CMTM4: variants seen among roughly 807,000 people sequenced by gnomAD.
The protein encoded by CMTM4 is CKLF like MARVEL transmembrane domain containing 4.
A neutral mutation model predicts 19.0 loss-of-function variants in CMTM4; 8 were observed. That is an observed-to-expected ratio of 0.42 (90% CI 0.25 to 0.76). The LOEUF (loss-of-function observed/expected upper bound fraction) is 0.76, where lower values mean the gene tolerates loss of function less well. CMTM4 is among the 30% of genes least tolerant of loss of function. CMTM4 has a pLI of 0.27. For synonymous variants in CMTM4, 106 were observed against 121.1 expected, an observed-to-expected ratio of 0.88 and a Z score of 0.82; for missense variants, 228 against 290.2, an observed-to-expected ratio of 0.79 and a Z score of 1.56.
chr16:66,617,434 A>C lies in CMTM4; in HGVS notation c.*4624T>G, dbSNP rs916922221. On this transcript the variant is annotated 3_prime_UTR_variant, in exon 4 of 4. Coordinates refer to ENST00000394106, the MANE Select transcript of CMTM4 (RefSeq NM_181521.3). ...AAAAGAATATATTCCAGACAAAAGA[A>C]GGGAAAATACAATAGGACCCACTCC... 3.9e-6 allele frequency: 6 copies of C among 1,549,702 alleles called. No individual in the cohort carries two copies. In the Admixed American group the frequency reaches 7.8e-5, roughly 20 times the overall value.
At chr16:66,659,107 T>C (rs1412805804) in intron 1 of CMTM4, among the ~76,000 whole-genome samples, 1 of 152,028 alleles carries the variant, frequency 6.6e-6, no homozygotes, top group African/African-American at 2.4e-5. Flanking sequence ...AGGCTGGGCG[T>C]GGTGGCTCAC....
chr16:66,606,657 G>A, the CMTM4 span, among the ~76,000 whole-genome samples: 1 of 152,138 alleles, frequency 6.6e-6, no homozygotes, highest in African/African-American at 2.4e-5. Flanking sequence ...AGAAACCAGG[G>A]ACAGATGGCC....
At chr16:66,684,298 C>T (rs1160275685) in intron 1 of CMTM4, among the ~76,000 whole-genome samples, 2 of 152,058 alleles carry the variant, frequency 1.3e-5, no homozygotes, top group East Asian at 1.9e-4. Flanking sequence ...CTCATCCTCC[C>T]GAGTAGCTGG....
the CMTM4 span, among the ~76,000 whole-genome samples, chr16:66,600,098 T>C: frequency 2.0e-5 from 3 of 151,492 alleles, no homozygotes; most frequent in African/African-American, 7.3e-5. Flanking sequence ...GAGTTGCAGT[T>C]CACAGCCATC....
chr16:66,656,228 T>G (rs1442538661), intron 1 of CMTM4, among the ~76,000 whole-genome samples: 1 of 152,192 alleles, frequency 6.6e-6, no homozygotes, highest in East Asian at 1.9e-4. Context: ...TTTCCTACAG[T>G]TGAAAATCCA....
chr16:66,618,966 G>A lies in CMTM4; in HGVS notation c.*3092C>T, dbSNP rs1004590554. On this transcript the variant is annotated 3_prime_UTR_variant, in exon 4 of 4. Transcript: ENST00000394106. ...TTCAGCTCACATTGCCAAGGAAGAT[G>A]TGTATTGGGGCTGTGCAGGCTGCCA... The A allele has an allele frequency of 1.0e-6, 1 of 985,520 alleles. No homozygotes were observed. The highest frequency in any genetic ancestry group is 1.2e-6 in the Non-Finnish European group (1 of 829,968). 61.0% of individuals were successfully genotyped at this position (985,520 alleles called of 1,614,324 possible).
chr16:66,648,766 G>A (rs2016253851), intron 1 of CMTM4, among the ~76,000 whole-genome samples: 1 of 152,034 alleles, frequency 6.6e-6, no homozygotes, highest in Admixed American at 6.6e-5. Context: ...GAGGTCAGGA[G>A]TTCAAGACCA....
chr16:66,685,005 C>T (rs1449454074), intron 1 of CMTM4, among the ~76,000 whole-genome samples: 1 of 152,212 alleles, frequency 6.6e-6, no homozygotes, highest in Non-Finnish European at 1.5e-5. Flanking sequence ...TACACACAGC[C>T]TGTTCTCCAG....
At chr16:66,658,183 T>C (rs1182581252) in intron 1 of CMTM4, among the ~76,000 whole-genome samples, 4 of 149,470 alleles carry the variant, frequency 2.7e-5, no homozygotes, top group Non-Finnish European at 4.4e-5. Context: ...TGAGCTATGA[T>C]TGAGAGAAAG....
chr16:66,679,748 T>C (rs1200485419), intron 1 of CMTM4, among the ~76,000 whole-genome samples: 1 of 148,162 alleles, frequency 6.7e-6, no homozygotes, highest in Non-Finnish European at 1.5e-5. Flanking sequence ...CGCTTGAACC[T>C]GGGAGGTGGA....
At chr16:66,635,292 C>T (rs2015969272) in intron 2 of CMTM4, among the ~76,000 whole-genome samples, 1 of 152,220 alleles carries the variant, frequency 6.6e-6, no homozygotes, top group South Asian at 2.1e-4. Flanking sequence ...TTTTTCTCAG[C>T]TTCCAGTGCT....
chr16:66,646,566 T>C (rs2016204862), intron 1 of CMTM4, among the ~76,000 whole-genome samples: 1 of 152,184 alleles, frequency 6.6e-6, no homozygotes, highest in African/African-American at 2.4e-5. Context: ...CCAAAATTTC[T>C]ACAAAGAGTA....
chr16:66,612,439 C>G (rs1331916488), downstream of CMTM4, among the ~76,000 whole-genome samples: 1 of 152,126 alleles, frequency 6.6e-6, no homozygotes. The surrounding 1 kb of genome is among the most constrained non-coding windows in gnomAD (Gnocchi z 6.0). Context: ...TGGAGGGCCT[C>G]AGGCCCGCGG....
At chr16:66,623,809 A>G (rs1419280402) in intron 2 of CMTM4, among the ~76,000 whole-genome samples, 1 of 152,154 alleles carries the variant, frequency 6.6e-6, no homozygotes, top group African/African-American at 2.4e-5. Context: ...TCTTTTAAAA[A>G]CCACACTCAA....
At chr16:66,662,061 G>A (rs1226202495) in intron 1 of CMTM4, among the ~76,000 whole-genome samples, 2 of 152,054 alleles carry the variant, frequency 1.3e-5, no homozygotes, top group African/African-American at 4.8e-5. Flanking sequence ...TGCAAGCCAG[G>A]AGCCTATTTG....
intron 1 of CMTM4, among the ~76,000 whole-genome samples, chr16:66,639,290 C>T (rs2016057030): frequency 6.6e-6 from 1 of 152,126 alleles, no homozygotes; most frequent in Non-Finnish European, 1.5e-5. Context: ...TGATGAGTTA[C>T]AAATGTTTCT....
At chr16:66,686,058 T>C (rs1167856457) in intron 1 of CMTM4, among the ~76,000 whole-genome samples, 1 of 151,626 alleles carries the variant, frequency 6.6e-6, no homozygotes, top group Admixed American at 6.6e-5. Context: ...ATCAAGACCA[T>C]CCCGGCCAAC....
At chr16:66,642,189 T>C (rs969026241) in intron 1 of CMTM4, among the ~76,000 whole-genome samples, 2 of 152,162 alleles carry the variant, frequency 1.3e-5, no homozygotes, top group Non-Finnish European at 2.9e-5. Flanking sequence ...TCAGATAAAG[T>C]GATACTAGAA....
rs569366879 is a variant in CMTM4, at chr16:66,650,325, C to T, written c.187-13744G>A. ...AAAGTTTTCTGGCCAAAGAACCGAA[C>T]ACCTGTTAATAGCCTTCTCCTAAAC... On this transcript the variant is annotated intron_variant, in intron 1 of 3. Coordinates refer to ENST00000394106, the MANE Select transcript of CMTM4 (RefSeq NM_181521.3). 3.2e-4 allele frequency among the ~76,000 whole-genome samples: 49 copies of T among 152,340 alleles called. 2 individuals are homozygous for T. The highest frequency in any genetic ancestry group is 3.1e-3 in the Admixed American group (47 of 15,294).
Sources: allele counts gnomAD v4.1 joint callset (sites outside exome capture counted in the v4.1 genomes callset), GRCh38; gene constraint gnomAD v4.1.1; non-coding constraint Gnocchi (gnomAD v3.1); transcripts MANE v1.5; gene names NCBI Gene and HGNC (gene_info 2026-07-23, HGNC 2026-07-21).